Variants in ELMO1 observed in about 807,000 individuals in gnomAD.
The protein encoded by ELMO1 is engulfment and cell motility protein 1.
A neutral mutation model predicts 98.9 loss-of-function variants in ELMO1; 26 were observed. The ratio of observed to expected loss-of-function variants is 0.26; its 90% confidence interval spans 0.19 to 0.36. The LOEUF is 0.36. Among genes scored for constraint, ELMO1 ranks in the 10% least tolerant of loss-of-function variants. ELMO1 has a pLI of 1.00. For missense variants in ELMO1, 627 were observed against 935.2 expected (o/e 0.67, Z 4.30); for synonymous variants, 346 against 346.0 (o/e 1.00, Z 0.00).
chr7:37,246,371 T>A (rs974995399), intron 6 of ELMO1, among the ~76,000 whole-genome samples: 1 of 152,194 alleles, frequency 6.6e-6, no homozygotes, highest in African/African-American at 2.4e-5. Context: ...TGTGTCTCCC[T>A]ACAAACTTTT....
At chr7:36,897,687 T>G (rs1054641603) in intron 16 of ELMO1, among the ~76,000 whole-genome samples, 3 of 152,214 alleles carry the variant, frequency 2.0e-5, no homozygotes, top group Non-Finnish European at 4.4e-5. Context: ...TGATCCCTTA[T>G]GGAATGTGGG....
At chr7:37,114,231 G>A (rs1365365943) in intron 14 of ELMO1, among the ~76,000 whole-genome samples, 1 of 152,240 alleles carries the variant, frequency 6.6e-6, no homozygotes, top group Non-Finnish European at 1.5e-5. Flanking sequence ...AGACAGAAAA[G>A]ATGAGCAAGT....
At chr7:37,149,067 G>A (rs1382766215) in intron 13 of ELMO1, among the ~76,000 whole-genome samples, 5 of 152,210 alleles carry the variant, frequency 3.3e-5, no homozygotes, top group Non-Finnish European at 5.9e-5. Flanking sequence ...ACGACCATCA[G>A]CATGGGAGGG....
chr7:37,166,783 G>T (rs1390562382), intron 13 of ELMO1, among the ~76,000 whole-genome samples: 5 of 152,194 alleles, frequency 3.3e-5, no homozygotes, highest in African/African-American at 1.2e-4. Context: ...TGGAATAGGT[G>T]TGGTGTGGTG....
chr7:37,120,421 C>T (rs1469528088), intron 14 of ELMO1, among the ~76,000 whole-genome samples: 1 of 152,178 alleles, frequency 6.6e-6, no homozygotes, highest in Admixed American at 6.5e-5. Context: ...TGGGTCACTC[C>T]CACCCTAATA....
chr7:37,187,301 G>A (rs1413534811), intron 13 of ELMO1, among the ~76,000 whole-genome samples: 1 of 152,116 alleles, frequency 6.6e-6, no homozygotes, highest in East Asian at 1.9e-4. Context: ...CTGGGGCTGG[G>A]GAGGACGAAC....
At chr7:37,105,840 G>C (rs1784913405) in intron 14 of ELMO1, among the ~76,000 whole-genome samples, 6 of 152,352 alleles carry the variant, frequency 3.9e-5, no homozygotes, top group Middle Eastern at 3.4e-3. Flanking sequence ...CATAGAGAGA[G>C]AAGGCAGAAT....
At chr7:37,363,952 C>G (rs143126828) in intron 1 of ELMO1, among the ~76,000 whole-genome samples, 8 of 152,278 alleles carry the variant, frequency 5.3e-5, no homozygotes, top group Middle Eastern at 3.4e-3. Context: ...TCTAACCCCC[C>G]ACAGGCAACA....
chr7:37,182,144 C>A (rs1790905030), intron 13 of ELMO1, among the ~76,000 whole-genome samples: 2 of 152,180 alleles, frequency 1.3e-5, no homozygotes, highest in South Asian at 4.1e-4. Context: ...CCCCGAGGCT[C>A]CTAAGTCCAA....
chr7:36,998,201 CTCT>C (rs1281073141), intron 16 of ELMO1, among the ~76,000 whole-genome samples: 7 of 152,178 alleles, frequency 4.6e-5, no homozygotes, highest in Non-Finnish European at 8.8e-5. Context: ...TTTGATGTCT[CTCT>C]TCTTCATCAG....
At chr7:36,866,134 T>A (rs1404331606) in intron 20 of ELMO1, among the ~76,000 whole-genome samples, 3 of 152,166 alleles carry the variant, frequency 2.0e-5, no homozygotes, top group African/African-American at 7.2e-5. Context: ...AAGCCCCAAA[T>A]TCAGTGAGAC....
intron 2 of ELMO1, among the ~76,000 whole-genome samples, chr7:37,336,627 G>A (rs1800427452): frequency 6.6e-6 from 1 of 152,142 alleles, no homozygotes; most frequent in Non-Finnish European, 1.5e-5. Flanking sequence ...CAAACAGGGA[G>A]GAAGAATCTC....
intron 19 of ELMO1, among the ~76,000 whole-genome samples, chr7:36,873,452 C>G (rs1417411839): frequency 6.6e-6 from 1 of 152,212 alleles, no homozygotes; most frequent in African/African-American, 2.4e-5. Context: ...ACCCTCCCAC[C>G]ACATTTACCC....
intron 13 of ELMO1, among the ~76,000 whole-genome samples, chr7:37,169,682 A>G (rs187304567): frequency 2.8e-4 from 42 of 152,366 alleles, no homozygotes; most frequent in African/African-American, 8.7e-4. Context: ...TTCCCACGTC[A>G]GATGGGTCAC....
chr7:36,991,089 G>T (rs1263497102), intron 16 of ELMO1, among the ~76,000 whole-genome samples: 1 of 152,164 alleles, frequency 6.6e-6, no homozygotes, highest in Non-Finnish European at 1.5e-5. Context: ...GGTCTCTACA[G>T]TTTACGACAT....
In ELMO1 at chr7:37,299,242, C is replaced by T. The variant is rs573845617; in HGVS notation, c.192+15608G>A. On this transcript the variant is annotated intron_variant, in intron 4 of 21. Coordinates refer to ENST00000310758, the MANE Select transcript of ELMO1 (RefSeq NM_014800.11). ...TGAGTAGGTTGTGAAAATTTTCTCC[C>T]ATTTTTGTAGGTTGCCTGTTCACTC... Among the ~76,000 whole-genome samples, 4 of 26,494 alleles carry T rather than the reference C, an allele frequency of 1.5e-4. No individual in the cohort carries two copies. The Admixed American group carries it at 1.9e-3, about 12-fold the overall frequency. The allele number at this position is 26,494 out of a possible 152,430, so 17.4% of individuals were successfully genotyped here.
chr7:37,375,252 A>G (rs1353938046), intron 1 of ELMO1, among the ~76,000 whole-genome samples: 2 of 152,142 alleles, frequency 1.3e-5, no homozygotes, highest in African/African-American at 4.8e-5. Flanking sequence ...GAAAAAGAAA[A>G]TATTTCTGTT....
At chr7:37,153,178 C>T (rs1030362818) in intron 13 of ELMO1, among the ~76,000 whole-genome samples, 1 of 152,174 alleles carries the variant, frequency 6.6e-6, no homozygotes, top group Non-Finnish European at 1.5e-5. Context: ...TCCAAGATGG[C>T]CAAATAGAAA....
intron 16 of ELMO1, among the ~76,000 whole-genome samples, chr7:36,910,002 T>C (rs1784233038): frequency 6.6e-6 from 1 of 152,216 alleles, no homozygotes; most frequent in Non-Finnish European, 1.5e-5. Context: ...TGCCCCTTCT[T>C]CTGCGTAAGG....
Sources: allele counts gnomAD v4.1 joint callset (sites outside exome capture counted in the v4.1 genomes callset), GRCh38; gene constraint gnomAD v4.1.1; transcripts MANE v1.5; gene names NCBI Gene and HGNC (gene_info 2026-07-23, HGNC 2026-07-21).